The following ITGB5 variants were observed in gnomAD, a reference collection of about 807,000 sequenced individuals.
ITGB5 encodes the protein integrin beta-5.
In ITGB5, 38 loss-of-function variants were observed where a neutral mutation model predicts 84.8. That is an observed-to-expected ratio of 0.45 (90% confidence interval 0.35 to 0.59). The LOEUF (loss-of-function observed/expected upper bound fraction) is 0.59, where lower values mean the gene tolerates loss of function less well. ITGB5 is among the 20% of genes least tolerant of loss of function. The pLI, the probability that ITGB5 is intolerant of heterozygous loss-of-function variation, is 0.01. For synonymous variants in ITGB5, 393 were observed against 414.4 expected (o/e 0.95, Z 0.63); for missense variants, 905 against 1,034.5 (o/e 0.87, Z 1.72).
At position 124,841,522 on chromosome 3, in the gene ITGB5, G is replaced by A. The variant is rs752618847; in HGVS notation, c.641C>T (p.Ser214Phe). 1 of 1,613,922 alleles carries A rather than the reference G, an allele frequency of 6.2e-7. No homozygotes were observed. Residue 214 changes from serine (S) to phenylalanine (F), a missense_variant, in exon 5 of 15, where the codon TCC (serine) becomes TTC (phenylalanine). Ser to Phe is a radical substitution (Grantham distance 155, BLOSUM62 -2). Transcript: ENST00000296181. ...AGGCAGCAGATGGCGGAACCCAAAGGAGGGGACGCAATTTGGAAACAACTT... is the reference window on the plus strand; with the variant it reads ...AGGCAGCAGATGGCGGAACCCAAAGAAGGGGACGCAATTTGGAAACAACTT... ...GYKLFPNCVP[S>F]FGFRHLLPLT... is the part of the protein sequence containing the mutation.
At chr3:124,801,108 C>G (rs957686623) in intron 9 of ITGB5, among the ~76,000 whole-genome samples, 5 of 152,180 alleles carry the variant, frequency 3.3e-5, no homozygotes, top group Non-Finnish European at 7.3e-5. Context: ...CTGGGATGGG[C>G]ACAGGCTACA....
chr3:124,821,072 C>T (rs1292161433), intron 6 of ITGB5, among the ~76,000 whole-genome samples: 6 of 152,182 alleles, frequency 3.9e-5, no homozygotes, highest in East Asian at 3.9e-4. Flanking sequence ...CCCATTTAGA[C>T]GCACATTGAC....
intron 5 of ITGB5, among the ~76,000 whole-genome samples, chr3:124,831,501 G>C (rs2064859698): frequency 3.9e-5 from 6 of 152,168 alleles, no homozygotes; most frequent in Admixed American, 3.9e-4. Context: ...GAAGGTGCAG[G>C]GGAAGGCCCA....
At chr3:124,764,368 C>A in intron 14 of ITGB5, 23 bp downstream of exon 14, 1 of 1,590,644 alleles carries the variant, frequency 6.3e-7, no homozygotes, top group Non-Finnish European at 8.6e-7. Flanking sequence ...GTCTCCTCTG[C>A]TTCCCATTTC....
intron 1 of ITGB5, among the ~76,000 whole-genome samples, chr3:124,895,925 A>C (rs942481671): frequency 6.6e-6 from 1 of 152,236 alleles, no homozygotes; most frequent in African/African-American, 2.4e-5. Flanking sequence ...CAGTTTGCTC[A>C]TCTGGAAAGT....
chr3:124,801,055 C>A (rs1283293081), intron 9 of ITGB5, among the ~76,000 whole-genome samples: 1 of 152,210 alleles, frequency 6.6e-6, no homozygotes, highest in Admixed American at 6.5e-5. Flanking sequence ...CAGGGCTATC[C>A]TATGCAGATG....
Position 124,763,489 on chromosome 3 carries a change from TGGCCCA to T in ITGB5, c.*128_*133del, listed in dbSNP as rs2063722068. ...TTCCTGTACAGGCACTGTGGGCTCC[TGGCCCA>T]GGCTCACTAGAAGGTCTTCTCTGTG... On this transcript the variant is annotated 3_prime_UTR_variant, in exon 15 of 15. Transcript: ENST00000296181. 3.4e-6 allele frequency: 2 copies of T among 591,928 alleles called. No individual in the cohort carries two copies. Among genetic ancestry groups the T allele is most frequent in the Non-Finnish European group, 6.1e-6 (2 of 327,646 alleles). The allele number at this position is 591,928 out of a possible 1,614,324, so 36.7% of individuals were successfully genotyped here. A position where few individuals can be genotyped will look rare whatever the true frequency, so the allele number is the denominator to read the frequency against.
At chr3:124,844,386 G>A (rs139480831) in intron 4 of ITGB5, among the ~76,000 whole-genome samples, 4,517 of 151,662 alleles carry the variant, frequency 0.03, 103 homozygotes, top group South Asian at 0.044. Flanking sequence ...GTGGTGAAAC[G>A]CCATCTCTAC....
chr3:124,863,521 T>A (rs549742284), intron 2 of ITGB5, among the ~76,000 whole-genome samples: 1 of 152,182 alleles, frequency 6.6e-6, no homozygotes, highest in South Asian at 2.1e-4. Flanking sequence ...TTCTAAGTAT[T>A]TTTATTTTCA....
Position 124,859,252 on chromosome 3 carries a change from G to C in ITGB5, c.351C>G (p.Asn117Lys). The C allele has an allele frequency of 6.2e-7, 1 of 1,613,964 alleles. No homozygotes were observed. Among genetic ancestry groups the C allele is most frequent in the Non-Finnish European group, 8.5e-7 (1 of 1,179,932 alleles). ...CTGTGGGCAACTCACCGGGCCGGAG[G>C]TTCACGGCAATCTCCTGTGGTGTCA... Reference protein sequence around the residue: ...IQMTPQEIAVNLRPGDKTTFQ... With the variant: ...IQMTPQEIAVKLRPGDKTTFQ... Residue 117 changes from asparagine (N) to lysine (K), a missense_variant, in exon 3 of 15, where the codon AAC (asparagine) becomes AAG (lysine). Physicochemically the swap from Asn to Lys is moderately conservative, Grantham distance 94. Coordinates refer to ENST00000296181, the MANE Select transcript of ITGB5 (RefSeq NM_002213.5).
At chr3:124,794,006 TCCC>T (rs2064185685) in intron 10 of ITGB5, among the ~76,000 whole-genome samples, 3 of 152,180 alleles carry the variant, frequency 2.0e-5, no homozygotes, top group African/African-American at 7.2e-5. Context: ...CAATTCCTCC[TCCC>T]ATAGGACGGA....
chr3:124,869,984 T>G (rs983074349), intron 2 of ITGB5, among the ~76,000 whole-genome samples: 1 of 152,210 alleles, frequency 6.6e-6, no homozygotes, highest in Non-Finnish European at 1.5e-5. Flanking sequence ...ATCAGCCTTG[T>G]CCACAAGTCC....
chr3:124,861,171 T>C (rs1395270560), intron 2 of ITGB5, among the ~76,000 whole-genome samples: 1 of 152,104 alleles, frequency 6.6e-6, no homozygotes, highest in Admixed American at 6.5e-5. Context: ...ACGGTATGTT[T>C]GTTTATATTC....
chr3:124,785,612 C>CA (rs1328645402), intron 10 of ITGB5, among the ~76,000 whole-genome samples: 1 of 148,298 alleles, frequency 6.7e-6, no homozygotes, highest in Non-Finnish European at 1.5e-5. Flanking sequence ...CCCAAAAAAA[C>CA]AAAGGTGCAC....
intron 2 of ITGB5, among the ~76,000 whole-genome samples, chr3:124,859,858 G>A (rs904731348): frequency 6.6e-6 from 1 of 152,080 alleles, no homozygotes; most frequent in Non-Finnish European, 1.5e-5. Flanking sequence ...TGAGGTGGGA[G>A]GATCGCTTGA....
intron 2 of ITGB5, among the ~76,000 whole-genome samples, chr3:124,869,182 C>T (rs1396202737): frequency 1.3e-5 from 2 of 152,308 alleles, no homozygotes; most frequent in Non-Finnish European, 2.9e-5. Flanking sequence ...TGTACACACA[C>T]ATCACATGCT....
At chr3:124,850,837 C>T (rs951657872) in intron 3 of ITGB5, among the ~76,000 whole-genome samples, 2 of 152,072 alleles carry the variant, frequency 1.3e-5, no homozygotes, top group African/African-American at 4.8e-5. Context: ...CGCCAGAGGG[C>T]TCCTTGGGTG....
At chr3:124,849,286 A>G (rs1024975977) in intron 3 of ITGB5, among the ~76,000 whole-genome samples, 1 of 152,218 alleles carries the variant, frequency 6.6e-6, no homozygotes, top group African/African-American at 2.4e-5. Flanking sequence ...TGAAACAAAA[A>G]GCAGGGAAGA....
At chr3:124,818,662 C>T (rs528326078) in intron 7 of ITGB5, among the ~76,000 whole-genome samples, 2 of 152,080 alleles carry the variant, frequency 1.3e-5, no homozygotes, top group African/African-American at 2.4e-5. Flanking sequence ...TGTAGGCACA[C>T]ACCACCACGC....
Sources: allele counts gnomAD v4.1 joint callset (sites outside exome capture counted in the v4.1 genomes callset), GRCh38; gene constraint gnomAD v4.1.1; transcripts MANE v1.5; gene names NCBI Gene and HGNC (gene_info 2026-07-23, HGNC 2026-07-21).